Variants in BRCA1 observed in about 807,000 individuals in gnomAD.
The protein encoded by BRCA1 is breast cancer type 1 susceptibility protein.
BRCA1 carries 140 observed loss-of-function variants against 173.7 expected under a neutral mutation model. The observed-to-expected ratio is 0.81, with a 90% CI of 0.70 to 0.93. BRCA1 has a LOEUF of 0.93. Ranked by LOEUF, BRCA1 falls within the 40% of genes least tolerant of loss-of-function variation. The pLI, the probability that BRCA1 is intolerant of heterozygous loss-of-function variation, is 0.00. For missense variants in BRCA1, 1,983 were observed against 2,172.5 expected, an observed-to-expected ratio of 0.91 and a Z score of 1.73; for synonymous variants, 662 against 756.0, an observed-to-expected ratio of 0.88 and a Z score of 2.04.
chr17:43,100,562 A>G (rs1450829161), intron 6 of BRCA1, among the ~76,000 whole-genome samples: 9 of 67,220 alleles, frequency 1.3e-4, no homozygotes, highest in African/African-American at 4.2e-4. Flanking sequence ...GTGTGTGTAT[A>G]TATATATATA....
intron 6 of BRCA1, among the ~76,000 whole-genome samples, chr17:43,100,686 T>TATATATATATATA (rs2054427099): frequency 1.7e-4 from 3 of 17,418 alleles, no homozygotes; most frequent in African/African-American, 3.3e-4. Context: ...ATAATATATA[T>TATATATATATATA]ATATATATAT....
intron 12 of BRCA1, among the ~76,000 whole-genome samples, chr17:43,077,238 T>C (rs2052774902): frequency 1.3e-5 from 2 of 151,966 alleles, no homozygotes; most frequent in Non-Finnish European, 2.9e-5. Flanking sequence ...TGCTGGTTGA[T>C]AAGAAATCTT....
chr17:43,147,418 T>C (rs2056130681), intron 1 of BRCA1, among the ~76,000 whole-genome samples: 1 of 152,176 alleles, frequency 6.6e-6, no homozygotes, highest in African/African-American at 2.4e-5. Context: ...CTCGATCTCC[T>C]GACCTCGTGA....
chr17:43,131,390 A>T, intron 1 of BRCA1: 1 of 349,290 alleles, frequency 2.9e-6, no homozygotes. Context: ...AAATAATAAT[A>T]ATAATAATAA....
Position 43,045,781 on chromosome 17 carries a change from G to T in BRCA1, c.5489C>A (p.Ala1830Glu), listed in dbSNP as rs2050883748. 6.2e-7 allele frequency: 1 copy of T among 1,614,156 alleles called. No individual in the cohort carries two copies. The highest frequency in any genetic ancestry group is 8.5e-7 in the Non-Finnish European group (1 of 1,180,032). Residue 1830 changes from alanine (A) to glutamate (E), a missense_variant, in exon 23 of 23, where the codon GCA (alanine) becomes GAA (glutamate). By Grantham distance (107) the Ala-to-Glu change is moderately radical. Coordinates refer to ENST00000357654, the MANE Select transcript of BRCA1 (RefSeq NM_007294.4). ...CACCCACTCTCGGGTCACCACAGGT[G>T]CCTCACACATCTGCCCAATTGCTGG... ...GFHAIGQMCE[A>E]PVVTREWVLD...
chr17:43,148,178 T>A (rs1379129457), intron 1 of BRCA1, among the ~76,000 whole-genome samples: 2 of 152,078 alleles, frequency 1.3e-5, no homozygotes, highest in Admixed American at 1.3e-4. Flanking sequence ...TAATCCCAGA[T>A]ACTCAGGAGG....
At chr17:43,055,291 T>C (rs1359825910) in intron 19 of BRCA1, among the ~76,000 whole-genome samples, 1 of 151,908 alleles carries the variant, frequency 6.6e-6, no homozygotes, top group Non-Finnish European at 1.5e-5. Flanking sequence ...GAATGCTCCA[T>C]TTTTTTTCCC....
chr17:43,061,263 T>A (rs575559839), intron 18 of BRCA1, among the ~76,000 whole-genome samples: 1 of 152,338 alleles, frequency 6.6e-6, no homozygotes, highest in Admixed American at 6.5e-5. Flanking sequence ...AGGTCTCAGC[T>A]CAATTTTTTC....
At chr17:43,063,499 A>G in intron 17 of BRCA1, 126 bp from the exon 18 acceptor site, 1 of 783,140 alleles carries the variant, frequency 1.3e-6, no homozygotes, top group Non-Finnish European at 2.2e-6. Context: ...CCTTCCCTCT[A>G]AAGCCACAGC....
intron 15 of BRCA1, among the ~76,000 whole-genome samples, chr17:43,069,052 G>A (rs918061594): frequency 6.6e-6 from 1 of 152,152 alleles, no homozygotes; most frequent in South Asian, 2.1e-4. Flanking sequence ...CAGTATTTAC[G>A]TGTTGCACAA....
chr17:43,065,802 C>T (rs908162072), intron 16 of BRCA1, among the ~76,000 whole-genome samples: 4 of 152,244 alleles, frequency 2.6e-5, no homozygotes, highest in Non-Finnish European at 5.9e-5. Context: ...CACTCGTCTG[C>T]TTTCTGGAGC....
chr17:43,140,652 C>T (rs556953084), intron 1 of BRCA1, among the ~76,000 whole-genome samples: 21 of 152,304 alleles, frequency 1.4e-4, no homozygotes, highest in African/African-American at 4.3e-4. Context: ...CGACCAAGAG[C>T]AGAACCACGG....
rs761414277 is a variant in BRCA1 at position 43,045,810 on chromosome 17, C to CA, written c.5468-9dup. ...CACACATCTGCCCAATTGCTGGAGA[C>CA]AGAGAACACAAGCAGAGATTAGTGT... On this transcript the variant is annotated splice_polypyrimidine_tract_variant and intron_variant, in intron 22 of 22. Transcript: ENST00000357654. 6.2e-7 allele frequency: 1 copy of CA among 1,613,928 alleles called. No individual in the cohort carries two copies. Among genetic ancestry groups the CA allele is most frequent in the South Asian group, 1.1e-5 (1 of 91,082 alleles).
rs80357036 is a variant in BRCA1 at position 43,091,696 on chromosome 17, C to A, written c.3835G>T (p.Ala1279Ser). ...TCACTAAGGTGATGTTCCTGAGATG[C>A]CTTTGCCAATATTACCTGGTTACTG... ...DCSNQVILAK[A>S]SQEHHLSEET... The change falls in exon 10 of 23, where the codon GCA (alanine) becomes TCA (serine). Residue 1279 changes from alanine to serine, a missense_variant. By Grantham distance (99) the Ala-to-Ser change is moderately conservative (BLOSUM62 1). Transcript: ENST00000357654. The A allele has an allele frequency of 6.2e-7, 1 of 1,614,192 alleles. No individual in the cohort carries two copies. The highest frequency in any genetic ancestry group is 8.5e-7 in the Non-Finnish European group (1 of 1,180,026).
intron 18 of BRCA1, among the ~76,000 whole-genome samples, chr17:43,061,430 G>A (rs960668618): frequency 2.0e-5 from 3 of 152,126 alleles, no homozygotes; most frequent in East Asian, 1.9e-4. Context: ...AATCCTACCA[G>A]GGACTTAGTT....
chr17:43,049,174 GT>G lies in BRCA1; in HGVS notation c.5352del (p.Gln1785SerfsTer8). 1 of 1,614,106 alleles carries G rather than the reference GT, an allele frequency of 6.2e-7. No homozygotes were observed. The highest frequency in any genetic ancestry group is 2.2e-5 in the East Asian group (1 of 44,870). On this transcript the variant is annotated frameshift_variant, in exon 21 of 23. Transcript: ENST00000357654. LOFTEE classifies it high-confidence loss of function. ...NMPTDQLEWM[V>X]QLCGASVVKE... ...TTCACCACAGAAGCACCACACAGCTGTACCATCCATTCCAGTTGATCTAAAA... is the reference window on the plus strand; with the variant it reads ...TTCACCACAGAAGCACCACACAGCTGACCATCCATTCCAGTTGATCTAAAA...
chr17:43,146,299 CTTTTTTTTT>C (rs774223347), intron 1 of BRCA1, among the ~76,000 whole-genome samples: 19 of 76,116 alleles, frequency 2.5e-4, no homozygotes, highest in African/African-American at 9.2e-4. Flanking sequence ...ATTTTTGTTA[CTTTTTTTTT>C]TTTTTTTTTT....
chr17:43,091,335 C>A lies in BRCA1; in HGVS notation c.4096+100G>T, dbSNP rs751226166. The A allele has an allele frequency of 2.6e-5, 38 of 1,473,100 alleles. No individual in the cohort carries two copies. The East Asian group carries it at 8.5e-4, about 33-fold the overall frequency. The allele number at this position is 1,473,100 out of a possible 1,614,324, so 91.3% of individuals were successfully genotyped here. ...CAAGTTTAAGAAGCAGTTCCTTTAACTATACTTGGAAATTTGTAAAATGTG... is the reference window on the plus strand; with the variant it reads ...CAAGTTTAAGAAGCAGTTCCTTTAAATATACTTGGAAATTTGTAAAATGTG... On this transcript the variant is annotated intron_variant, in intron 10 of 22. Coordinates refer to ENST00000357654, the MANE Select transcript of BRCA1 (RefSeq NM_007294.4).
At chr17:43,117,717 C>T (rs1034704714) in intron 2 of BRCA1, among the ~76,000 whole-genome samples, 11 of 152,038 alleles carry the variant, frequency 7.2e-5, no homozygotes, top group Non-Finnish European at 1.2e-4. Context: ...CCAACCTGGG[C>T]GACAGAGCTG....
Sources: gnomAD v4.1 joint callset for allele counts (sites outside exome capture counted in the v4.1 genomes callset) on GRCh38, gnomAD v4.1.1 for gene constraint, MANE v1.5 for transcripts, NCBI Gene and HGNC (gene_info 2026-07-23, HGNC 2026-07-21) for gene names.